CREB5: variants seen among roughly 807,000 people sequenced by gnomAD.
CREB5 encodes cyclic AMP-responsive element-binding protein 5.
CREB5 carries 19 observed loss-of-function variants against 57.1 expected under a neutral mutation model. The ratio of observed to expected loss-of-function variants is 0.33; its 90% confidence interval spans 0.23 to 0.49. The LOEUF (loss-of-function observed/expected upper bound fraction) is 0.49, where lower values mean the gene tolerates loss of function less well. Among genes scored for constraint, CREB5 ranks in the 20% least tolerant of loss-of-function variants. The pLI, the probability that CREB5 is intolerant of heterozygous loss-of-function variation, is 0.99. For synonymous variants in CREB5, 238 were observed against 238.3 expected, an observed-to-expected ratio of 1.00 and a Z score of 0.01; for missense variants, 579 against 671.6, an observed-to-expected ratio of 0.86 and a Z score of 1.52.
At chr7:28,535,401 AGAAG>A (rs1387938812) in intron 4 of CREB5, among the ~76,000 whole-genome samples, 1 of 138,450 alleles carries the variant, frequency 7.2e-6, no homozygotes, top group Non-Finnish European at 1.6e-5. Flanking sequence ...AGGGAAGGAA[AGAAG>A]GAAGAAGAGA....
intron 1 of CREB5, among the ~76,000 whole-genome samples, chr7:28,386,237 C>T (rs974161109): frequency 6.6e-6 from 1 of 152,108 alleles, no homozygotes; most frequent in Non-Finnish European, 1.5e-5. Flanking sequence ...AATTGAGTGG[C>T]TTCTGGCAGT....
At chr7:28,777,350 G>C (rs978773843) in intron 7 of CREB5, among the ~76,000 whole-genome samples, 8 of 152,238 alleles carry the variant, frequency 5.3e-5, no homozygotes, top group African/African-American at 1.9e-4. Flanking sequence ...TCTTATGACA[G>C]GTTTCATTTT....
chr7:28,396,363 C>A (rs1787334887), intron 1 of CREB5, among the ~76,000 whole-genome samples: 1 of 152,070 alleles, frequency 6.6e-6, no homozygotes, highest in African/African-American at 2.4e-5. Flanking sequence ...GATACATGAT[C>A]TTTTGTTTCA....
In CREB5 at chr7:28,806,857, A is replaced by G. The variant is rs1361745300; in HGVS notation, c.1027-2330A>G. Among the ~76,000 whole-genome samples the G allele has an allele frequency of 3.9e-5, 6 of 152,284 alleles. No individual in the cohort carries two copies. The South Asian group carries it at 8.3e-4, about 21-fold the overall frequency. ...TCCCTGCAATGGAGATTAAAAATCA[A>G]TTTTTTCCTATTTGAGGGTTTTGTC... On this transcript the variant is annotated intron_variant, in intron 8 of 10. Transcript: ENST00000357727.
intron 1 of CREB5, among the ~76,000 whole-genome samples, chr7:28,351,316 C>G (rs1198745345): frequency 6.6e-6 from 1 of 152,158 alleles, no homozygotes; most frequent in African/African-American, 2.4e-5. Flanking sequence ...TCAAAGTGCT[C>G]CATGTCCTCT....
chr7:28,392,280 T>A (rs1428319897), intron 1 of CREB5, among the ~76,000 whole-genome samples: 2 of 152,044 alleles, frequency 1.3e-5, no homozygotes, highest in Admixed American at 6.6e-5. Flanking sequence ...AAAATAAAAG[T>A]TTAAAAAAAT....
At chr7:28,368,530 T>C (rs56253203) in intron 1 of CREB5, among the ~76,000 whole-genome samples, 23,110 of 152,232 alleles carry the variant, frequency 0.15, 1,936 homozygotes, top group East Asian at 0.28. Context: ...TCCAATCACA[T>C]GGACCCTCTC....
At chr7:28,411,606 TA>T (rs1367719425), upstream of CREB5, among the ~76,000 whole-genome samples, 1 of 152,034 alleles carries the variant, frequency 6.6e-6, no homozygotes. Context: ...AAATTAAATT[TA>T]AAAAAGTATT....
In CREB5 at chr7:28,388,069, G is replaced by A. The variant is rs567225546; in HGVS notation, c.-25+88628G>A. The stretch of plus-strand genomic sequence containing the variant: ...AAGTTCCTATTCAGCTGTATCTGGA[G>A]GAATCCTGCAAGACCTGAGTTGAGG... On this transcript the variant is annotated intron_variant, in intron 1 of 9. Coordinates refer to the CREB5 transcript ENST00000396299. Among the ~76,000 whole-genome samples, 3 of 152,228 alleles carry A rather than the reference G, an allele frequency of 2.0e-5. No individual in the cohort carries two copies. The East Asian group carries it at 5.8e-4, about 29-fold the overall frequency.
chr7:28,403,572 G>GT (rs2128000088), intron 1 of CREB5, among the ~76,000 whole-genome samples: 1 of 152,090 alleles, frequency 6.6e-6, no homozygotes, highest in Admixed American at 6.5e-5. Flanking sequence ...CTTCAGAGAG[G>GT]TAAAAAAAAA....
At chr7:28,775,213 GC>G (rs759182428) in intron 7 of CREB5, among the ~76,000 whole-genome samples, 29 of 152,096 alleles carry the variant, frequency 1.9e-4, no homozygotes, top group Non-Finnish European at 3.2e-4. Flanking sequence ...TATTCCCGTT[GC>G]CCACAATCCC....
At chr7:28,722,178 A>C (rs1238936320) in intron 6 of CREB5, among the ~76,000 whole-genome samples, 1 of 152,222 alleles carries the variant, frequency 6.6e-6, no homozygotes, top group Non-Finnish European at 1.5e-5. Context: ...GGTAGAGACT[A>C]TAGCTTTTCC....
chr7:28,766,251 T>G (rs1296938605), intron 7 of CREB5, among the ~76,000 whole-genome samples: 1 of 152,118 alleles, frequency 6.6e-6, no homozygotes, highest in African/African-American at 2.4e-5. Context: ...AAAAACAGTC[T>G]GTCATCTTTC....
intron 7 of CREB5, among the ~76,000 whole-genome samples, chr7:28,764,359 T>A (rs1583693241): frequency 6.7e-6 from 1 of 148,358 alleles, no homozygotes; most frequent in Non-Finnish European, 1.5e-5. Flanking sequence ...AATTCTCCTG[T>A]AAAAAAAAAA....
chr7:28,385,550 C>T (rs1787072113), intron 1 of CREB5, among the ~76,000 whole-genome samples: 1 of 151,802 alleles, frequency 6.6e-6, no homozygotes, highest in Non-Finnish European at 1.5e-5. Flanking sequence ...GTGGTGCGTG[C>T]CTGTAGTCCC....
intron 1 of CREB5, among the ~76,000 whole-genome samples, chr7:28,413,183 G>A (rs1440619032): frequency 6.6e-6 from 1 of 151,592 alleles, no homozygotes; most frequent in Admixed American, 6.6e-5. Flanking sequence ...ACTACAGTGG[G>A]GAAGCTATGG....
intron 1 of CREB5, among the ~76,000 whole-genome samples, chr7:28,330,607 A>G (rs1785698083): frequency 6.7e-6 from 1 of 148,718 alleles, no homozygotes; most frequent in East Asian, 2.0e-4. Flanking sequence ...GCAAAACAGA[A>G]TAGTGAAAGT....
intron 1 of CREB5, among the ~76,000 whole-genome samples, chr7:28,394,913 G>T (rs1787306584): frequency 1.3e-5 from 2 of 152,116 alleles, no homozygotes; most frequent in Non-Finnish European, 2.9e-5. Context: ...CACACCTTTT[G>T]CTTTTAGAAC....
intron 1 of CREB5, among the ~76,000 whole-genome samples, chr7:28,451,943 AAC>A (rs1410816317): frequency 6.6e-6 from 1 of 152,190 alleles, no homozygotes; most frequent in East Asian, 1.9e-4. Flanking sequence ...ACATATTGAC[AAC>A]AATGGAAGTT....
Sources: allele counts gnomAD v4.1 joint callset (sites outside exome capture counted in the v4.1 genomes callset), GRCh38; gene constraint gnomAD v4.1.1; transcripts MANE v1.5; gene names NCBI Gene and HGNC (gene_info 2026-07-23, HGNC 2026-07-21).